Variants in LYPLAL1 observed in about 807,000 individuals in gnomAD.
The protein encoded by LYPLAL1 is lysophospholipase-like protein 1.
In LYPLAL1, 23 loss-of-function variants were observed where a neutral mutation model predicts 19.7. That is an observed-to-expected ratio of 1.17 (90% CI 0.84 to 1.65). LYPLAL1 has a LOEUF of 1.65. Among genes scored for constraint, LYPLAL1 ranks in the 40% most tolerant of loss-of-function variants. The pLI, the probability that LYPLAL1 is intolerant of heterozygous loss-of-function variation, is 0.00. For missense variants in LYPLAL1, 355 were observed against 279.4 expected (o/e 1.27, Z -1.93); for synonymous variants, 119 against 96.3 (o/e 1.24, Z -1.38).
chr1:219,303,333 T>C, the LYPLAL1 span, among the ~76,000 whole-genome samples: 2 of 152,154 alleles, frequency 1.3e-5, no homozygotes, highest in Admixed American at 6.5e-5. Flanking sequence ...TAGTGGGTAA[T>C]AAAAACAATA....
chr1:219,437,741 A>T, the LYPLAL1 span, among the ~76,000 whole-genome samples: 36 of 145,048 alleles, frequency 2.5e-4, no homozygotes, highest in African/African-American at 9.3e-4. Flanking sequence ...TTATTTTATT[A>T]TTTTATTGTA....
chr1:219,406,631 TA>T, the LYPLAL1 span, among the ~76,000 whole-genome samples: 4 of 152,310 alleles, frequency 2.6e-5, no homozygotes, highest in African/African-American at 9.6e-5. Context: ...GGAAATACAA[TA>T]AAAAACAATT....
the LYPLAL1 span, chr1:219,222,740 A>G: frequency 6.6e-6 from 1 of 152,178 alleles, no homozygotes; most frequent in Non-Finnish European, 1.5e-5. Context: ...TCCCATTGCT[A>G]TAACAAAATA....
At chr1:219,414,816 T>G in the LYPLAL1 span, among the ~76,000 whole-genome samples, 2 of 152,196 alleles carry the variant, frequency 1.3e-5, no homozygotes, top group African/African-American at 4.8e-5. Flanking sequence ...ATTTAATGAA[T>G]GCTGAGTATT....
the LYPLAL1 span, among the ~76,000 whole-genome samples, chr1:219,251,162 A>G: frequency 1.3e-5 from 2 of 151,874 alleles, no homozygotes; most frequent in African/African-American, 2.4e-5. Flanking sequence ...TAAGTTCCTT[A>G]TAAATGCTGG....
At chr1:219,203,461 G>C (rs180792632) in intron 3 of LYPLAL1, among the ~76,000 whole-genome samples, 51 of 152,306 alleles carry the variant, frequency 3.3e-4, no homozygotes, top group Non-Finnish European at 5.6e-4. Flanking sequence ...TAGTAAGGCA[G>C]AGAGGGAAGT....
chr1:219,267,435 G>C, the LYPLAL1 span, among the ~76,000 whole-genome samples: 13 of 152,130 alleles, frequency 8.5e-5, no homozygotes, highest in African/African-American at 3.1e-4. Context: ...TTCATGCCTA[G>C]ATGAAGCCCC....
chr1:219,342,049 A>G, the LYPLAL1 span, among the ~76,000 whole-genome samples: 1 of 152,100 alleles, frequency 6.6e-6, no homozygotes, highest in Admixed American at 6.6e-5. Flanking sequence ...TTTTTTTGTA[A>G]CACAGTCAAC....
intron 2 of LYPLAL1, among the ~76,000 whole-genome samples, chr1:219,191,730 G>GTA (rs897554635): frequency 9.9e-5 from 15 of 150,998 alleles, no homozygotes; most frequent in South Asian, 2.1e-4. Flanking sequence ...TCTAAACAAT[G>GTA]TATATATATA....
At chr1:219,368,979 T>G in the LYPLAL1 span, among the ~76,000 whole-genome samples, 1 of 152,240 alleles carries the variant, frequency 6.6e-6, no homozygotes, top group South Asian at 2.1e-4. Flanking sequence ...ATATTCCAGT[T>G]AAGTGCCCAA....
At chr1:219,292,165 C>G in the LYPLAL1 span, among the ~76,000 whole-genome samples, 3 of 152,160 alleles carry the variant, frequency 2.0e-5, no homozygotes, top group African/African-American at 7.2e-5. Flanking sequence ...CCTTCTGATC[C>G]TCAAATCTCA....
At chr1:219,403,597 G>A in the LYPLAL1 span, among the ~76,000 whole-genome samples, 3 of 152,264 alleles carry the variant, frequency 2.0e-5, no homozygotes, top group East Asian at 1.9e-4. Context: ...TGCCAGTGGG[G>A]AGATTTTGAG....
chr1:219,342,650 A>T, the LYPLAL1 span, among the ~76,000 whole-genome samples: 1 of 152,146 alleles, frequency 6.6e-6, no homozygotes, highest in Non-Finnish European at 1.5e-5. Context: ...GAATTGCTTT[A>T]AAAAAATTCC....
At chr1:219,227,019 T>C in the LYPLAL1 span, among the ~76,000 whole-genome samples, 11 of 152,212 alleles carry the variant, frequency 7.2e-5, no homozygotes, top group Non-Finnish European at 1.6e-4. Context: ...CTTCTGTCTT[T>C]GTACTGAATG....
chr1:219,434,719 T>TG, the LYPLAL1 span, among the ~76,000 whole-genome samples: 1 of 152,184 alleles, frequency 6.6e-6, no homozygotes, highest in Non-Finnish European at 1.5e-5. Flanking sequence ...TAGCCCAGAC[T>TG]ACCATGCGTT....
At chr1:219,242,747 A>T in the LYPLAL1 span, among the ~76,000 whole-genome samples, 1 of 151,204 alleles carries the variant, frequency 6.6e-6, no homozygotes, top group East Asian at 1.9e-4. Flanking sequence ...AGTTGTAAAA[A>T]ATTAATATAG....
the LYPLAL1 span, among the ~76,000 whole-genome samples, chr1:219,241,134 C>CTCTATATA: frequency 2.7e-3 from 120 of 44,360 alleles, 1 homozygote; most frequent in Non-Finnish European, 3.6e-3. Flanking sequence ...CTCTCTCTCT[C>CTCTATATA]TATATATATA....
chr1:219,204,422 T>C (rs1658374528), intron 3 of LYPLAL1, among the ~76,000 whole-genome samples: 1 of 152,216 alleles, frequency 6.6e-6, no homozygotes, highest in African/African-American at 2.4e-5. Context: ...CCATCATTAT[T>C]AAAGCCTGTC....
chr1:219,231,059 G>C, the LYPLAL1 span, among the ~76,000 whole-genome samples: 4 of 152,164 alleles, frequency 2.6e-5, no homozygotes, highest in Non-Finnish European at 5.9e-5. Flanking sequence ...AACAATGACA[G>C]CTAACTCATA....
Sources: gnomAD v4.1 joint callset for allele counts (sites outside exome capture counted in the v4.1 genomes callset) on GRCh38, gnomAD v4.1.1 for gene constraint, MANE v1.5 for transcripts, NCBI Gene and HGNC (gene_info 2026-07-23, HGNC 2026-07-21) for gene names.